LTBP1: variants seen among roughly 807,000 people sequenced by gnomAD.
LTBP1 encodes the protein latent transforming growth factor beta binding protein 1.
In LTBP1, 129 loss-of-function variants were observed where a neutral mutation model predicts 207.6. That is an observed-to-expected ratio of 0.62 (90% CI 0.54 to 0.72). The LOEUF is 0.72. Among genes scored for constraint, LTBP1 ranks in the 30% least tolerant of loss-of-function variants. LTBP1 has a pLI of 0.00. For synonymous variants in LTBP1, 963 were observed against 833.7 expected, an observed-to-expected ratio of 1.16 and a Z score of -2.67; for missense variants, 2,281 against 2,217.2, an observed-to-expected ratio of 1.03 and a Z score of -0.58.
intron 7 of LTBP1, among the ~76,000 whole-genome samples, chr2:33,206,575 C>A (rs1290717820): frequency 2.0e-5 from 3 of 151,860 alleles, no homozygotes; most frequent in Admixed American, 6.6e-5. Context: ...CCCATCTCTA[C>A]TAAAAATACA....
chr2:33,379,003 A>G (rs1217695786), intron 31 of LTBP1, among the ~76,000 whole-genome samples: 1 of 152,142 alleles, frequency 6.6e-6, no homozygotes, highest in East Asian at 1.9e-4. Context: ...CCACTACCTT[A>G]AGAAAGAAGC....
intron 5 of LTBP1, among the ~76,000 whole-genome samples, chr2:33,149,228 CAAAAAAAAA>C (rs58303103): frequency 1.1e-4 from 9 of 82,784 alleles, no homozygotes; most frequent in South Asian, 4.5e-4. Context: ...CACAAAAAAA[CAAAAAAAAA>C]AAAAAAAAAA....
At chr2:32,975,154 T>C (rs976721825) in intron 2 of LTBP1, among the ~76,000 whole-genome samples, 1 of 152,236 alleles carries the variant, frequency 6.6e-6, no homozygotes, top group Non-Finnish European at 1.5e-5. Context: ...TGGCTGGATA[T>C]AAAACTCTTG....
intron 26 of LTBP1, among the ~76,000 whole-genome samples, chr2:33,351,265 C>G (rs551017055): frequency 3.3e-5 from 5 of 152,278 alleles, no homozygotes; most frequent in African/African-American, 1.2e-4. Flanking sequence ...GGTAAAGACA[C>G]TGAGGCCCAG....
At chr2:33,259,509 A>G (rs768128625) in intron 12 of LTBP1, 79 bp from the exon 13 acceptor site, 40 of 1,011,010 alleles carry the variant, frequency 4.0e-5, no homozygotes, top group Non-Finnish European at 5.5e-5. Flanking sequence ...ATGGACTTCT[A>G]TTGTTTTTTA....
At chr2:33,115,322 A>T (rs1433183146) in intron 4 of LTBP1, among the ~76,000 whole-genome samples, 1 of 152,142 alleles carries the variant, frequency 6.6e-6, no homozygotes, top group Non-Finnish European at 1.5e-5. Context: ...CGGAAAGAAG[A>T]TTAGCGGTTG....
In LTBP1 at chr2:32,947,613, G is replaced by C. The variant is rs1676382526; in HGVS notation, c.289G>C (p.Gly97Arg). The change falls in exon 1 of 34, where the codon GGG (glycine) becomes CGG (arginine). Residue 97 changes from glycine (G) to arginine (R), a missense_variant. Gly to Arg is a moderately radical substitution (Grantham distance 125). Coordinates refer to ENST00000404816, the MANE Select transcript of LTBP1 (RefSeq NM_206943.4). The stretch of plus-strand genomic sequence containing the variant: ...CAAGCCGGGCGGCGCGGCCCTGCAG[G>C]GGCTCAGACCGCCGCCGCCGCCGCC... ...TSKPGGAALQ[G>R]LRPPPPPPPE... The C allele has an allele frequency of 7.6e-7, 1 of 1,318,486 alleles. No individual in the cohort carries two copies. Among genetic ancestry groups the C allele is most frequent in the East Asian group, 3.2e-5 (1 of 31,144 alleles). The allele number at this position is 1,318,486 out of a possible 1,614,324, so 81.7% of individuals were successfully genotyped here.
intron 7 of LTBP1, among the ~76,000 whole-genome samples, chr2:33,212,301 T>C (rs762066412): frequency 6.6e-6 from 1 of 152,134 alleles, no homozygotes; most frequent in Non-Finnish European, 1.5e-5. Flanking sequence ...GCCTTATTTG[T>C]ATAAGTGCTG....
At chr2:33,379,038 G>C (rs1400534282) in intron 31 of LTBP1, among the ~76,000 whole-genome samples, 1 of 152,056 alleles carries the variant, frequency 6.6e-6, no homozygotes, top group Non-Finnish European at 1.5e-5. Context: ...TAGCTCATTG[G>C]GAGGGCTTCT....
chr2:33,315,189 A>G lies in LTBP1; in HGVS notation c.3650A>G (p.Glu1217Gly), dbSNP rs963932867. The G allele has an allele frequency of 2.5e-6, 4 of 1,612,816 alleles. No homozygotes were observed. Among genetic ancestry groups the G allele is most frequent in the Non-Finnish European group, 3.4e-6 (4 of 1,179,436 alleles). The change falls in exon 24 of 34, where the codon GAG becomes GGG. Residue 1217 changes from glutamate to glycine, a missense_variant. Physicochemically the swap from Glu to Gly is moderately conservative, Grantham distance 98. Around this residue, in one of 3 missense-constraint regions of LTBP1, gnomAD observed 1,671 missense variants for 1,634.8 expected, o/e 1.02. Coordinates refer to ENST00000404816, the MANE Select transcript of LTBP1 (RefSeq NM_206943.4). ...EHPGLCGPQG[E>G]CLNTEGSFHC... ...CCAGGGCTCTGTGGTCCGCAAGGGG[A>G]GTGCCTAAACACAGAGGGTTCTTTC...
chr2:32,986,915 A>T, intron 2 of LTBP1, among the ~76,000 whole-genome samples: 1 of 152,146 alleles, frequency 6.6e-6, no homozygotes, highest in East Asian at 1.9e-4. Context: ...ATTGGCCAAG[A>T]TTGGGTCATG....
chr2:33,339,125 CAG>C (rs1196688546), intron 24 of LTBP1, among the ~76,000 whole-genome samples: 2 of 151,574 alleles, frequency 1.3e-5, no homozygotes, highest in Non-Finnish European at 2.9e-5. Flanking sequence ...GACGGCATGA[CAG>C]GGAAGGACAG....
intron 24 of LTBP1, among the ~76,000 whole-genome samples, chr2:33,327,410 C>T (rs78479441): frequency 0.019 from 2,824 of 152,124 alleles, 32 homozygotes; most frequent in East Asian, 0.026. Flanking sequence ...TAATAATTCT[C>T]CATCACCTTC....
chr2:33,151,376 T>C (rs1323558103), intron 5 of LTBP1, among the ~76,000 whole-genome samples: 1 of 152,190 alleles, frequency 6.6e-6, no homozygotes, highest in Non-Finnish European at 1.5e-5. Flanking sequence ...CAGCAGTGTG[T>C]GAGGGTTCCA....
intron 7 of LTBP1, among the ~76,000 whole-genome samples, chr2:33,214,137 A>G (rs868736233): frequency 1.3e-5 from 2 of 152,248 alleles, no homozygotes; most frequent in Admixed American, 1.3e-4. Context: ...TGATCTGCAT[A>G]TGATGTGAAC....
At position 33,275,838 on chromosome 2, in the gene LTBP1, G is replaced by C; in HGVS notation, c.2907G>C (p.Glu969Asp). The change falls in exon 18 of 34, where the codon GAG becomes GAC. Residue 969 changes from glutamate (E) to aspartate (D), a missense_variant. Around this residue, in one of 3 missense-constraint regions of LTBP1, gnomAD observed 1,671 missense variants for 1,634.8 expected, o/e 1.02. Coordinates refer to ENST00000404816, the MANE Select transcript of LTBP1 (RefSeq NM_206943.4). ...DECLRPDVCG[E>D]GHCVNTVGAF... is the part of the protein sequence containing the mutation. ...GCCTGAGGCCGGACGTCTGTGGGGA[G>C]GGGCACTGTGTCAATACTGTGGGGG... The C allele has an allele frequency of 6.2e-7, 1 of 1,614,024 alleles. No homozygotes were observed. Among genetic ancestry groups the C allele is most frequent in the Non-Finnish European group, 8.5e-7 (1 of 1,179,916 alleles).
chr2:33,241,542 G>T (rs1367428713), intron 9 of LTBP1, among the ~76,000 whole-genome samples: 2 of 152,286 alleles, frequency 1.3e-5, no homozygotes, highest in East Asian at 3.9e-4. Context: ...AGGCTGAGAT[G>T]GTGCTGTTAT....
chr2:33,168,781 C>G (rs910628666), intron 5 of LTBP1, among the ~76,000 whole-genome samples: 1 of 152,106 alleles, frequency 6.6e-6, no homozygotes, highest in African/African-American at 2.4e-5. Flanking sequence ...AAATGTCCAT[C>G]TCTCCCACAG....
intron 2 of LTBP1, among the ~76,000 whole-genome samples, chr2:32,961,921 G>A (rs1558442094): frequency 6.7e-6 from 1 of 149,576 alleles, no homozygotes; most frequent in East Asian, 1.9e-4. Context: ...CTCCAGCCTG[G>A]GCAACAATAG....
Sources: allele counts gnomAD v4.1 joint callset (sites outside exome capture counted in the v4.1 genomes callset), GRCh38; gene constraint gnomAD v4.1.1; regional missense constraint gnomAD v4.1.1; transcripts MANE v1.5; gene names NCBI Gene and HGNC (gene_info 2026-07-23, HGNC 2026-07-21).